Variants in HAS2 observed in about 807,000 individuals in gnomAD.
HAS2 encodes hyaluronan synthase 2.
In HAS2, 16 loss-of-function variants were observed where a neutral mutation model predicts 51.6. That is an observed-to-expected ratio of 0.31 (90% CI 0.21 to 0.47). The LOEUF (loss-of-function observed/expected upper bound fraction) is 0.47. Ranked by LOEUF, HAS2 falls within the 20% of genes least tolerant of loss-of-function variation. HAS2 has a pLI of 1.00. For synonymous variants in HAS2, 228 were observed against 235.5 expected (o/e 0.97, Z 0.29); for missense variants, 361 against 662.6 (o/e 0.54, Z 5.00).
Position 121,612,962 on chromosome 8 carries a change from A to G in HAS2, c.*1147T>C, listed in dbSNP as rs1812656524. On this transcript the variant is annotated 3_prime_UTR_variant, in exon 4 of 4. Transcript: ENST00000303924. ...TGGCAAGTTGAAAAAAAAAAAAAAG[A>G]CAGGCAAAACATGTTCAATGTGTAG... 1 of 149,984 alleles carries G rather than the reference A, an allele frequency of 6.7e-6. No homozygotes were observed. Among genetic ancestry groups the G allele is most frequent in the African/African-American group, 2.5e-5 (1 of 40,522 alleles). 9.3% of individuals were successfully genotyped at this position (149,984 alleles called of 1,614,324 possible).
chr8:121,614,739 T>A lies in HAS2; in HGVS notation c.1029A>T (p.Glu343Asp), dbSNP rs35375618. The A allele has an allele frequency of 1.2e-6, 2 of 1,614,204 alleles. No individual in the cohort carries two copies. Among genetic ancestry groups the A allele is most frequent in the Non-Finnish European group, 8.5e-7 (1 of 1,180,016 alleles). The change falls in exon 4 of 4, where the codon GAA becomes GAT. Residue 343 changes from glutamate to aspartate, a missense_variant. This residue lies in a region of HAS2 where 106 missense variants were observed against 241.0 expected (regional missense o/e 0.44). Transcript: ENST00000303924. The surrounding 1 kb of genome is among the most constrained non-coding windows in gnomAD (Gnocchi z 7.2). Reference protein sequence around the residue: ...RSKCLTETPIEYLRWLNQQTR... With the variant: ...RSKCLTETPIDYLRWLNQQTR... ...TCTGCTGGTTTAGCCATCTGAGATA[T>A]TCTATAGGTGTTTCAGTAAGGCACT...
Position 121,613,744 on chromosome 8 carries a change from T to C in HAS2, c.*365A>G, listed in dbSNP as rs1337751592. ...TCAAAACAGTCCATAAGTTAGGTTG[T>C]ATAGGTTGAAAGAACTTTTCCTTGA... On this transcript the variant is annotated 3_prime_UTR_variant, in exon 4 of 4. Coordinates refer to ENST00000303924, the MANE Select transcript of HAS2 (RefSeq NM_005328.3). The C allele has an allele frequency of 4.0e-6, 1 of 253,136 alleles. No homozygotes were observed. Among genetic ancestry groups the C allele is most frequent in the Non-Finnish European group, 7.8e-6 (1 of 128,564 alleles). 15.7% of individuals were successfully genotyped at this position (253,136 alleles called of 1,614,324 possible).
intron 1 of HAS2, among the ~76,000 whole-genome samples, chr8:121,632,635 T>C (rs1354877324): frequency 6.6e-6 from 1 of 152,142 alleles, no homozygotes; most frequent in Non-Finnish European, 1.5e-5. Context: ...AATGGAGATA[T>C]ATAATCTGTT....
Position 121,637,390 on chromosome 8 carries a change from C to CTTTTTTTTTTTTT in HAS2, c.-1+3450_-1+3462dup, listed in dbSNP as rs397728062. 3.1e-5 allele frequency among the ~76,000 whole-genome samples: 4 copies of CTTTTTTTTTTTTT among 130,774 alleles called. 1 individual carries two copies. Among genetic ancestry groups the CTTTTTTTTTTTTT allele is most frequent in the African/African-American group, 5.9e-5 (2 of 33,748 alleles). The allele number at this position is 130,774 out of a possible 152,430, so 85.8% of individuals were successfully genotyped here. A position where few individuals can be genotyped will look rare whatever the true frequency, so the allele number is the denominator to read the frequency against. ...CCACATGACTACCATTCAAAATAGA[C>CTTTTTTTTTTTTT]TTTTTTTTTTTTTTTTTTGAGATAG... On this transcript the variant is annotated intron_variant, in intron 1 of 3. Coordinates refer to ENST00000303924, the MANE Select transcript of HAS2 (RefSeq NM_005328.3).
chr8:121,617,078 A>G (rs763727691), intron 3 of HAS2, 27 bp downstream of exon 3: 1 of 1,277,480 alleles, frequency 7.8e-7, no homozygotes, highest in Non-Finnish European at 1.1e-6. Flanking sequence ...CATGCAAAAC[A>G]AACAAACAAA....
At chr8:121,626,982 T>A (rs1563622341) in intron 2 of HAS2, among the ~76,000 whole-genome samples, 2 of 152,118 alleles carry the variant, frequency 1.3e-5, no homozygotes, top group Non-Finnish European at 2.9e-5. Context: ...TCATATTTTG[T>A]ATTATTTTTT....
chr8:121,616,907 C>T (rs1812710891), intron 3 of HAS2, among the ~76,000 whole-genome samples, 198 bp downstream of exon 3: 2 of 152,154 alleles, frequency 1.3e-5, no homozygotes, highest in Admixed American at 6.5e-5. Context: ...CAAGAAAGTT[C>T]TAAATTATAT....
At chr8:121,625,157 A>G (rs535192157) in intron 2 of HAS2, among the ~76,000 whole-genome samples, 1 of 151,682 alleles carries the variant, frequency 6.6e-6, no homozygotes, top group Non-Finnish European at 1.5e-5. Flanking sequence ...TGATAACACT[A>G]CTTAAAAAAT....
chr8:121,622,976 A>T (rs117211939), intron 2 of HAS2, among the ~76,000 whole-genome samples: 1,724 of 152,222 alleles, frequency 0.011, 21 homozygotes, highest in South Asian at 0.031. Context: ...TCCTCAATGA[A>T]AACATCATCT....
At chr8:121,622,427 G>A (rs959342453) in intron 2 of HAS2, among the ~76,000 whole-genome samples, 1 of 152,042 alleles carries the variant, frequency 6.6e-6, no homozygotes, top group African/African-American at 2.4e-5. Context: ...TACCTCCTAA[G>A]CTTCCATTCT....
At chr8:121,619,728 G>A (rs895158340) in intron 2 of HAS2, among the ~76,000 whole-genome samples, 14 of 152,070 alleles carry the variant, frequency 9.2e-5, no homozygotes, top group African/African-American at 2.9e-4. Context: ...GTGGGCAGGA[G>A]GTCTGTGATG....
intron 1 of HAS2, among the ~76,000 whole-genome samples, chr8:121,632,826 C>CT (rs1160272424): frequency 1.3e-5 from 2 of 151,950 alleles, no homozygotes; most frequent in African/African-American, 4.8e-5. Context: ...GGGCAAGTTT[C>CT]TTTTTTTAAG....
intron 2 of HAS2, 128 bp downstream of exon 2, chr8:121,628,586 T>C (rs1812885216): frequency 2.4e-6 from 2 of 849,934 alleles, no homozygotes; most frequent in South Asian, 3.6e-5. Context: ...GTCATGCTGT[T>C]TTCAAATGAA....
chr8:121,612,264 C>T lies in HAS2; in HGVS notation c.*1845G>A, dbSNP rs1354786309. 3 of 152,112 alleles carry T rather than the reference C, an allele frequency of 2.0e-5. No homozygotes were observed. Among genetic ancestry groups the T allele is most frequent in the African/African-American group, 7.2e-5 (3 of 41,420 alleles). The allele number at this position is 152,112 out of a possible 1,614,324, so 9.4% of individuals were successfully genotyped here. ...ATTTGACATTTGAATGTTATCAAAG[C>T]TTAACTTAGAACATAAATAGTTAAA... On this transcript the variant is annotated 3_prime_UTR_variant, in exon 4 of 4. Transcript: ENST00000303924.
At chr8:121,634,828 A>G (rs551841598) in intron 1 of HAS2, among the ~76,000 whole-genome samples, 8 of 152,052 alleles carry the variant, frequency 5.3e-5, no homozygotes, top group Admixed American at 5.2e-4. Context: ...GAGTCCCAGA[A>G]CAGGTCTAGA....
rs778639389 is a variant in HAS2, at chr8:121,614,761, C to G, written c.1007G>C (p.Cys336Ser). The change falls in exon 4 of 4, where the codon TGC becomes TCC. Residue 336 changes from cysteine to serine, a missense_variant. Cys to Ser is a moderately radical substitution (Grantham distance 112, BLOSUM62 -1). Transcript: ENST00000303924. This position sits in a 1 kb window ranked among gnomAD's most constrained non-coding sequence, Gnocchi z 7.2. ...YATKYTARSK[C>S]LTETPIEYLR... ...ATATTCTATAGGTGTTTCAGTAAGG[C>G]ACTTAGATCGAGCTGTGTATTTTGT... 6.2e-7 allele frequency: 1 copy of G among 1,614,178 alleles called. No homozygotes were observed. The highest frequency in any genetic ancestry group is 8.5e-7 in the Non-Finnish European group (1 of 1,180,032).
At chr8:121,615,098 G>T in intron 3 of HAS2, 60 bp from the exon 4 acceptor site, 1 of 1,203,972 alleles carries the variant, frequency 8.3e-7, no homozygotes, top group Non-Finnish European at 1.2e-6. Context: ...AGCAAAACCT[G>T]TTCCATCCTG....
rs1284401441 is a variant in HAS2, at chr8:121,612,248, T to C, written c.*1861A>G. 6.6e-6 allele frequency: 1 copy of C among 152,208 alleles called. No homozygotes were observed. The highest frequency in any genetic ancestry group is 1.5e-5 in the Non-Finnish European group (1 of 68,026). 9.4% of individuals were successfully genotyped at this position (152,208 alleles called of 1,614,324 possible). On this transcript the variant is annotated 3_prime_UTR_variant, in exon 4 of 4. Coordinates refer to ENST00000303924, the MANE Select transcript of HAS2 (RefSeq NM_005328.3). Reference sequence around the variant, plus strand: ...TTATAAGAATGAGAGAATTTGACATTTGAATGTTATCAAAGCTTAACTTAG... The same window carrying C: ...TTATAAGAATGAGAGAATTTGACATCTGAATGTTATCAAAGCTTAACTTAG...
chr8:121,613,722 A>G lies in HAS2; in HGVS notation c.*387T>C, dbSNP rs1023253070. 5.4e-6 allele frequency: 1 copy of G among 184,392 alleles called. No homozygotes were observed. The allele number at this position is 184,392 out of a possible 1,614,324, so 11.4% of individuals were successfully genotyped here. A position where few individuals can be genotyped will look rare whatever the true frequency, so the allele number is the denominator to read the frequency against. ...AAAAAAAAAAAATTATCATCTATCA[A>G]AACAGTCCATAAGTTAGGTTGTATA... On this transcript the variant is annotated 3_prime_UTR_variant, in exon 4 of 4. Transcript: ENST00000303924.
Sources: allele counts gnomAD v4.1 joint callset (sites outside exome capture counted in the v4.1 genomes callset), GRCh38; gene constraint gnomAD v4.1.1; regional missense constraint gnomAD v4.1.1; non-coding constraint Gnocchi (gnomAD v3.1); transcripts MANE v1.5; gene names NCBI Gene and HGNC (gene_info 2026-07-23, HGNC 2026-07-21).